SNX29: variants seen among roughly 807,000 people sequenced by gnomAD.
SNX29 encodes sorting nexin-29.
In SNX29, 78 loss-of-function variants were observed where a neutral mutation model predicts 102.1. The observed-to-expected ratio is 0.76, with a 90% confidence interval of 0.64 to 0.92. The LOEUF (loss-of-function observed/expected upper bound fraction) is 0.92, where lower values mean the gene tolerates loss of function less well. Among genes scored for constraint, SNX29 ranks in the 40% least tolerant of loss-of-function variants. The probability of loss-of-function intolerance (pLI) is 0.00; values close to 1 mark genes in which losing one functional copy is unlikely to be tolerated. For missense variants in SNX29, 1,280 were observed against 1,061.7 expected (o/e 1.21, Z -2.86); for synonymous variants, 580 against 414.5 (o/e 1.40, Z -4.85).
intron 15 of SNX29, among the ~76,000 whole-genome samples, chr16:12,348,956 C>T (rs2081911756): frequency 6.6e-6 from 1 of 152,180 alleles, no homozygotes; most frequent in South Asian, 2.1e-4. Flanking sequence ...CTGTCACCAT[C>T]GCCCCTCTGG....
chr16:12,102,585 A>G (rs1249108787), intron 11 of SNX29, among the ~76,000 whole-genome samples: 2 of 152,174 alleles, frequency 1.3e-5, no homozygotes, highest in African/African-American at 2.4e-5. Context: ...GTGTCTGCTC[A>G]TATCCTTCAC....
chr16:11,978,392 A>G (rs1210040338), intron 1 of SNX29, among the ~76,000 whole-genome samples: 1 of 152,212 alleles, frequency 6.6e-6, no homozygotes, highest in Non-Finnish European at 1.5e-5. Context: ...ATTTAAGAGT[A>G]AGTTCTCGAC....
At chr16:12,333,158 T>G (rs1596953842) in intron 15 of SNX29, among the ~76,000 whole-genome samples, 1 of 144,216 alleles carries the variant, frequency 6.9e-6, no homozygotes, top group Non-Finnish European at 1.5e-5. Flanking sequence ...CAGGCTGGAG[T>G]GCAGTGGTGC....
intron 16 of SNX29, among the ~76,000 whole-genome samples, chr16:12,362,263 G>A (rs77280731): frequency 0.06 from 9,115 of 152,256 alleles, 456 homozygotes; most frequent in African/African-American, 0.13. Flanking sequence ...GAAATCCTCA[G>A]TGTAGATGAA....
At chr16:12,140,207 T>A (rs1466041002) in intron 13 of SNX29, among the ~76,000 whole-genome samples, 1 of 152,152 alleles carries the variant, frequency 6.6e-6, no homozygotes, top group African/African-American at 2.4e-5. Flanking sequence ...CCTCTCTCTT[T>A]CCCTCGGTCT....
At chr16:12,346,375 T>G (rs2081805915) in intron 15 of SNX29, among the ~76,000 whole-genome samples, 1 of 152,188 alleles carries the variant, frequency 6.6e-6, no homozygotes, top group Non-Finnish European at 1.5e-5. Flanking sequence ...CCTCTTTCTT[T>G]TATTATTTAA....
chr16:12,343,127 G>A (rs1171995749), intron 15 of SNX29, among the ~76,000 whole-genome samples: 3 of 152,160 alleles, frequency 2.0e-5, no homozygotes, highest in African/African-American at 4.8e-5. Flanking sequence ...GTGCTACTTC[G>A]AAGGGAATAT....
intron 15 of SNX29, among the ~76,000 whole-genome samples, chr16:12,294,828 GT>G (rs1230308093): frequency 6.6e-6 from 1 of 152,060 alleles, no homozygotes; most frequent in Non-Finnish European, 1.5e-5. Context: ...AGAGATGACT[GT>G]CCCTTCCTGT....
At chr16:12,462,523 C>T (rs1597464740) in intron 18 of SNX29, among the ~76,000 whole-genome samples, 2 of 152,304 alleles carry the variant, frequency 1.3e-5, no homozygotes, top group African/African-American at 4.8e-5. Context: ...AAATCTATCA[C>T]CATTCAGAAA....
In SNX29 at chr16:12,524,805, A is replaced by G; in HGVS notation, c.2282A>G (p.Lys761Arg). 1.2e-6 allele frequency: 2 copies of G among 1,613,730 alleles called. No homozygotes were observed. Among genetic ancestry groups the G allele is most frequent in the Non-Finnish European group, 8.5e-7 (1 of 1,179,796 alleles). The change falls in exon 20 of 21, where the codon AAG (lysine) becomes AGG (arginine). Residue 761 changes from lysine (K) to arginine (R), a missense_variant. Transcript: ENST00000566228. ...GTCCCCGAGTTCGCTGCCAGCCCCA[A>G]GAAGGAGACCCTCATCCAGCTGATG... ...QMVPEFAASP[K>R]KETLIQLMPF...
intron 10 of SNX29, among the ~76,000 whole-genome samples, chr16:12,070,024 A>G (rs948127312): frequency 6.6e-6 from 1 of 152,180 alleles, no homozygotes; most frequent in Non-Finnish European, 1.5e-5. Context: ...AGATTTGACC[A>G]TCCTAGTGTT....
chr16:12,220,813 G>A (rs929385202), intron 14 of SNX29, among the ~76,000 whole-genome samples: 1 of 152,136 alleles, frequency 6.6e-6, no homozygotes, highest in Non-Finnish European at 1.5e-5. Flanking sequence ...CCTGTGATGG[G>A]TGTAATTATA....
rs1216685026 is a variant in SNX29 at position 12,572,477 on chromosome 16, AG to A, written c.*3849del. 2.8e-6 allele frequency: 3 copies of A among 1,063,542 alleles called. No homozygotes were observed. The highest frequency in any genetic ancestry group is 3.4e-6 in the Non-Finnish European group (3 of 878,264). 65.9% of individuals were successfully genotyped at this position (1,063,542 alleles called of 1,614,324 possible). A position where few individuals can be genotyped will look rare whatever the true frequency, so the allele number is the denominator to read the frequency against. On this transcript the variant is annotated 3_prime_UTR_variant, in exon 21 of 21. Transcript: ENST00000566228. ...GTACATTTTGCCAACCCTGAGGACCAGTTCTTGGGGTTCCAGGCCTCGGCCT... is the reference window on the plus strand; with the variant it reads ...GTACATTTTGCCAACCCTGAGGACCATTCTTGGGGTTCCAGGCCTCGGCCT...
Position 12,403,192 on chromosome 16 carries a change from TTGTGTGTGTATGTGTGTGTGTG to T in SNX29, c.1956-246_1956-225del, listed in dbSNP as rs1156319683. 3.1e-3 allele frequency among the ~76,000 whole-genome samples: 406 copies of T among 129,718 alleles called. 3 individuals carry two copies. Among genetic ancestry groups the T allele is most frequent in the South Asian group, 5.3e-3 (20 of 3,806 alleles). The allele number at this position is 129,718 out of a possible 152,430, so 85.1% of individuals were successfully genotyped here. A position where few individuals can be genotyped will look rare whatever the true frequency, so the allele number is the denominator to read the frequency against. ...GCTCTTTCACATTCCGGAGTACAGA[TTGTGTGTGTATGTGTGTGTGTG>T]TGTGTGTGTGTGTGTGTGTGTGTGT... On this transcript the variant is annotated intron_variant, in intron 17 of 20. Transcript: ENST00000566228.
chr16:12,246,448 C>T (rs540895821), intron 14 of SNX29, among the ~76,000 whole-genome samples: 5 of 152,126 alleles, frequency 3.3e-5, no homozygotes, highest in Non-Finnish European at 5.9e-5. Context: ...TGAGACCAGC[C>T]TGGCCAATGT....
chr16:12,565,048 A>G (rs866122699), intron 20 of SNX29, among the ~76,000 whole-genome samples: 2 of 152,060 alleles, frequency 1.3e-5, no homozygotes, highest in South Asian at 2.1e-4. Context: ...CACTGGCTTC[A>G]TTCCCCTGTA....
chr16:12,084,108 G>A (rs899040317), intron 11 of SNX29, among the ~76,000 whole-genome samples: 3 of 152,022 alleles, frequency 2.0e-5, no homozygotes, highest in South Asian at 2.1e-4. Flanking sequence ...AGGCCCTCTG[G>A]TACTTCAGAA....
At chr16:12,481,336 T>G (rs1343636122) in intron 19 of SNX29, among the ~76,000 whole-genome samples, 1 of 151,978 alleles carries the variant, frequency 6.6e-6, no homozygotes, top group Non-Finnish European at 1.5e-5. Context: ...TTTTAACTTT[T>G]AATTAACTTT....
At chr16:12,492,851 C>A (rs1159283906) in intron 19 of SNX29, among the ~76,000 whole-genome samples, 5 of 152,088 alleles carry the variant, frequency 3.3e-5, no homozygotes, top group Non-Finnish European at 7.3e-5. Context: ...AGATATGCAG[C>A]ATTATTTCTG....
Sources: gnomAD v4.1 joint callset for allele counts (sites outside exome capture counted in the v4.1 genomes callset) on GRCh38, gnomAD v4.1.1 for gene constraint, MANE v1.5 for transcripts, NCBI Gene and HGNC (gene_info 2026-07-23, HGNC 2026-07-21) for gene names.